The following CCDC85C variants were observed in gnomAD, a reference collection of about 807,000 sequenced individuals.
CCDC85C encodes coiled-coil domain-containing protein 85C.
CCDC85C carries 18 observed loss-of-function variants against 38.3 expected under a neutral mutation model. The observed-to-expected ratio is 0.47, with a 90% CI of 0.33 to 0.70. CCDC85C has a LOEUF of 0.70. Ranked by LOEUF, CCDC85C falls within the 30% of genes least tolerant of loss-of-function variation. The pLI is 0.03. For synonymous variants in CCDC85C, 264 were observed against 293.8 expected (o/e 0.90, Z 1.04); for missense variants, 566 against 621.2 (o/e 0.91, Z 0.94).
At chr14:99,531,750 T>C (rs1278717404) in intron 2 of CCDC85C, among the ~76,000 whole-genome samples, 1 of 152,140 alleles carries the variant, frequency 6.6e-6, no homozygotes, top group African/African-American at 2.4e-5. Flanking sequence ...TGGGGGTTTC[T>C]GTACAACTTG....
Position 99,603,387 on chromosome 14 carries a change from C to T in CCDC85C, c.573G>A (p.Ser191=), listed in dbSNP as rs1436404905. Residue 191 remains serine, a synonymous_variant, in exon 1 of 6, where the codon TCG becomes TCA. Transcript: ENST00000380243. This position sits in a 1 kb window ranked among gnomAD's most constrained non-coding sequence, Gnocchi z 7.5. ...DSQASLSGPL[S]GGAPGAGARD... ...GGGCCCCCGCGCCGGGCGCGCCACC[C>T]GACAGCGGCCCGCTCAGGCTGGCCT... 1 of 1,245,062 alleles carries T rather than the reference C, an allele frequency of 8.0e-7. No homozygotes were observed. The highest frequency in any genetic ancestry group is 3.3e-5 in the East Asian group (1 of 29,910). 77.1% of individuals were successfully genotyped at this position (1,245,062 alleles called of 1,614,324 possible). A position where few individuals can be genotyped will look rare whatever the true frequency, so the allele number is the denominator to read the frequency against.
At position 99,504,896 on chromosome 14, in the gene CCDC85C, G is replaced by A. The variant is rs973055230; in HGVS notation, c.*10350C>T. 4.6e-5 allele frequency: 7 copies of A among 152,304 alleles called. No individual in the cohort carries two copies. Among genetic ancestry groups the A allele is most frequent in the African/African-American group, 1.7e-4 (7 of 41,444 alleles). The allele number at this position is 152,304 out of a possible 1,614,324, so 9.4% of individuals were successfully genotyped here. A position where few individuals can be genotyped will look rare whatever the true frequency, so the allele number is the denominator to read the frequency against. Reference sequence around the variant, plus strand: ...GAAACAAACTATATATGACCTTGAAGGAAGAGTTGCATTTGAGCAGCGAGA... The same window carrying A: ...GAAACAAACTATATATGACCTTGAAAGAAGAGTTGCATTTGAGCAGCGAGA... On this transcript the variant is annotated 3_prime_UTR_variant, in exon 6 of 6. Coordinates refer to ENST00000380243, the MANE Select transcript of CCDC85C (RefSeq NM_001144995.2).
chr14:99,546,974 G>GC lies in CCDC85C; in HGVS notation c.794-10887dup, dbSNP rs1897820009. 3.9e-5 allele frequency among the ~76,000 whole-genome samples: 6 copies of GC among 152,130 alleles called. No individual in the cohort carries two copies. In the South Asian group the frequency reaches 1.2e-3, roughly 32 times the overall value. On this transcript the variant is annotated intron_variant, in intron 1 of 5. Coordinates refer to ENST00000380243, the MANE Select transcript of CCDC85C (RefSeq NM_001144995.2). ...GCTTGAGCCCAGGAGTTAGAGACCA[G>GC]CCTGAGCAACATAGCGAGACCCCAT... is the stretch of plus-strand genomic sequence containing the variant.
At position 99,515,290 on chromosome 14, in the gene CCDC85C, T is replaced by C. The variant is rs1401982652; in HGVS notation, c.1216A>G (p.Ile406Val). 1 of 1,550,906 alleles carries C rather than the reference T, an allele frequency of 6.4e-7. No homozygotes were observed. Among genetic ancestry groups the C allele is most frequent in the Non-Finnish European group, 8.7e-7 (1 of 1,146,836 alleles). ...LGDAASSKPSIRQHLSGNQFK... is the reference protein window; with the variant it reads ...LGDAASSKPSVRQHLSGNQFK... ...TGGTTCCCAGACAGGTGCTGCCGTA[T>C]GGAGGGCTTGGAGCTGGCTGCATCT... Residue 406 changes from isoleucine (I) to valine (V), a missense_variant, in exon 6 of 6, where the codon ATA (isoleucine) becomes GTA (valine). Transcript: ENST00000380243.
intron 1 of CCDC85C, among the ~76,000 whole-genome samples, chr14:99,589,508 G>A (rs2055063207): frequency 6.6e-6 from 1 of 152,178 alleles, no homozygotes; most frequent in Non-Finnish European, 1.5e-5. Flanking sequence ...CTTCAGGCAG[G>A]AGCCTCACCA....
At chr14:99,584,795 A>G (rs548654721) in intron 1 of CCDC85C, among the ~76,000 whole-genome samples, 5 of 152,342 alleles carry the variant, frequency 3.3e-5, no homozygotes, top group African/African-American at 1.2e-4. Flanking sequence ...CACACTCCAA[A>G]TAAGAACTGC....
rs745648624 is a variant in CCDC85C at position 99,502,416 on chromosome 14, G to A, written c.*12830C>T. The stretch of plus-strand genomic sequence containing the variant: ...AAGCGTTCTCGTGAGGGTGTTCCAT[G>A]TTGAGATGATTCTTCCATGTGTACC... On this transcript the variant is annotated 3_prime_UTR_variant, in exon 6 of 6. Transcript: ENST00000380243. 7 of 1,598,706 alleles carry A rather than the reference G, an allele frequency of 4.4e-6. No individual in the cohort carries two copies. In the Admixed American group the frequency reaches 1.0e-4, roughly 24 times the overall value.
At chr14:99,541,334 C>T (rs1048442751) in intron 1 of CCDC85C, among the ~76,000 whole-genome samples, 5 of 152,362 alleles carry the variant, frequency 3.3e-5, no homozygotes, top group African/African-American at 1.2e-4. Flanking sequence ...AGACAAGGAG[C>T]TGCCGAGGCT....
chr14:99,500,858 A>G lies in CCDC85C; in HGVS notation c.*14388T>C. On this transcript the variant is annotated 3_prime_UTR_variant, in exon 6 of 6. Transcript: ENST00000380243. ...CATACCAGTTCCTACTAAAATATGC[A>G]AAGCAACTCAAAGGTAAGAAGAAAG... The G allele has an allele frequency of 3.3e-6, 5 of 1,532,238 alleles. No individual in the cohort carries two copies. Among genetic ancestry groups the G allele is most frequent in the Non-Finnish European group, 4.4e-6 (5 of 1,133,048 alleles). 94.9% of individuals were successfully genotyped at this position (1,532,238 alleles called of 1,614,324 possible). A position where few individuals can be genotyped will look rare whatever the true frequency, so the allele number is the denominator to read the frequency against.
rs1418693235 is a variant in CCDC85C at position 99,503,551 on chromosome 14, AT to A, written c.*11694del. 6.9e-7 allele frequency: 1 copy of A among 1,451,988 alleles called. No homozygotes were observed. The highest frequency in any genetic ancestry group is 9.4e-7 in the Non-Finnish European group (1 of 1,062,986). The allele number at this position is 1,451,988 out of a possible 1,614,324, so 89.9% of individuals were successfully genotyped here. A position where few individuals can be genotyped will look rare whatever the true frequency, so the allele number is the denominator to read the frequency against. On this transcript the variant is annotated 3_prime_UTR_variant, in exon 6 of 6. Coordinates refer to ENST00000380243, the MANE Select transcript of CCDC85C (RefSeq NM_001144995.2). ...GATTCTGGTGGTACCTGGATAATCCATTTTTTTCTCATCATACTCAGGATCC... is the reference window on the plus strand; with the variant it reads ...GATTCTGGTGGTACCTGGATAATCCATTTTTTCTCATCATACTCAGGATCC...
rs1054892363 is a variant in CCDC85C at position 99,544,206 on chromosome 14, G to A, written c.794-8118C>T. On this transcript the variant is annotated intron_variant, in intron 1 of 5. Coordinates refer to ENST00000380243, the MANE Select transcript of CCDC85C (RefSeq NM_001144995.2). The surrounding 1 kb of genome is among the most constrained non-coding windows in gnomAD (Gnocchi z 5.3). ...TTAGGCAGCAAGGCCAAGGTCACCC[G>A]GCGGGAACCTTGCAGGGCTGAGATT... 1.3e-5 allele frequency among the ~76,000 whole-genome samples: 2 copies of A among 152,148 alleles called. No individual in the cohort carries two copies. Among genetic ancestry groups the A allele is most frequent in the Non-Finnish European group, 2.9e-5 (2 of 68,028 alleles).
intron 1 of CCDC85C, among the ~76,000 whole-genome samples, chr14:99,546,369 C>T (rs537315047): frequency 7.2e-5 from 11 of 151,906 alleles, no homozygotes; most frequent in Non-Finnish European, 1.5e-4. Flanking sequence ...CAGGTGGAGG[C>T]GGCTCAGGAA....
chr14:99,505,630 G>A lies in CCDC85C; in HGVS notation c.*9616C>T, dbSNP rs551051570. The stretch of plus-strand genomic sequence containing the variant: ...TAATCCCAGCACTTTGGGAGGCCAA[G>A]GCATGCTTTGAGCCCAGGAGTTCCA... On this transcript the variant is annotated 3_prime_UTR_variant, in exon 6 of 6. Transcript: ENST00000380243. The A allele has an allele frequency of 1.3e-5, 2 of 152,338 alleles. No individual in the cohort carries two copies. Among genetic ancestry groups the A allele is most frequent in the South Asian group, 4.1e-4 (2 of 4,822 alleles). The allele number at this position is 152,338 out of a possible 1,614,324, so 9.4% of individuals were successfully genotyped here.
intron 2 of CCDC85C, chr14:99,522,518 GCCA>G (rs1897317584): frequency 8.4e-6 from 1 of 119,118 alleles, no homozygotes; most frequent in Admixed American, 1.8e-4. Context: ...ATGAAGAAGA[GCCA>G]GTGAGAGCGA....
rs1428892972 is a variant in CCDC85C, at chr14:99,604,109, C to A, written c.-150G>T. The A allele has an allele frequency of 1.3e-6, 1 of 789,664 alleles. No homozygotes were observed. Among genetic ancestry groups the A allele is most frequent in the Non-Finnish European group, 1.5e-6 (1 of 654,700 alleles). 48.9% of individuals were successfully genotyped at this position (789,664 alleles called of 1,614,324 possible). On this transcript the variant is annotated 5_prime_UTR_variant, in exon 1 of 6. Transcript: ENST00000380243. The stretch of plus-strand genomic sequence containing the variant: ...CGCCGCCTGGCGCGTCCTCTCGCCG[C>A]GCCCGCCGGGGCCGCCCGGGAGCCC...
intron 1 of CCDC85C, among the ~76,000 whole-genome samples, chr14:99,542,996 A>C (rs1177176249): frequency 1.3e-5 from 2 of 152,212 alleles, no homozygotes; most frequent in African/African-American, 4.8e-5. Context: ...GGATCCCAGC[A>C]TTCCAAAGGG....
chr14:99,562,147 C>T (rs1898129309), intron 1 of CCDC85C, among the ~76,000 whole-genome samples: 1 of 152,154 alleles, frequency 6.6e-6, no homozygotes, highest in South Asian at 2.1e-4. Context: ...CACCCTTCCA[C>T]AAAACAAAAG....
At chr14:99,532,095 T>C (rs1897505091) in intron 2 of CCDC85C, among the ~76,000 whole-genome samples, 1 of 152,190 alleles carries the variant, frequency 6.6e-6, no homozygotes, top group Non-Finnish European at 1.5e-5. Context: ...ACTCAGACCC[T>C]GCAGCCCTGT....
chr14:99,553,641 G>C (rs1391650802), intron 1 of CCDC85C, among the ~76,000 whole-genome samples: 2 of 152,198 alleles, frequency 1.3e-5, no homozygotes, highest in Non-Finnish European at 2.9e-5. Context: ...GGGATTACAG[G>C]TGTGAGCCAC....
Sources: gnomAD v4.1 joint callset for allele counts (sites outside exome capture counted in the v4.1 genomes callset) on GRCh38, gnomAD v4.1.1 for gene constraint, Gnocchi (gnomAD v3.1) non-coding constraint, MANE v1.5 for transcripts, NCBI Gene and HGNC (gene_info 2026-07-23, HGNC 2026-07-21) for gene names.